Variants in AGO3 observed in about 807,000 individuals in gnomAD.
AGO3 encodes argonaute RISC catalytic component 3.
Under a neutral mutation model 105.5 loss-of-function variants are expected in AGO3, and 16 were observed. The ratio of observed to expected loss-of-function variants is 0.15; its 90% CI spans 0.10 to 0.23. The LOEUF (loss-of-function observed/expected upper bound fraction) is 0.23, where lower values mean the gene tolerates loss of function less well. Ranked by LOEUF, AGO3 falls within the 10% of genes least tolerant of loss-of-function variation. AGO3 has a pLI of 1.00. For synonymous variants in AGO3, 340 were observed against 367.3 expected, an observed-to-expected ratio of 0.93 and a Z score of 0.85; for missense variants, 534 against 1,088.0, an observed-to-expected ratio of 0.49 and a Z score of 7.16.
chr1:35,943,460 C>T (rs909969090), intron 1 of AGO3, among the ~76,000 whole-genome samples: 1 of 151,252 alleles, frequency 6.6e-6, no homozygotes, highest in African/African-American at 2.4e-5. Flanking sequence ...TGCCATCATG[C>T]CTGGCTAATT....
Position 36,048,174 on chromosome 1 carries a change from A to G in AGO3, c.2274+4626A>G, listed in dbSNP as rs371309023. ...GGCTGAAAAAAAAAATTGTCAGCCA[A>G]GAATGCTGTACCCAGTAGAGGATCA... On this transcript the variant is annotated intron_variant, in intron 17 of 18. Coordinates refer to ENST00000373191, the MANE Select transcript of AGO3 (RefSeq NM_024852.4). 1.1e-4 allele frequency among the ~76,000 whole-genome samples: 17 copies of G among 152,278 alleles called. No homozygotes were observed. The East Asian group carries it at 1.5e-3, about 14-fold the overall frequency.
Position 36,065,734 on chromosome 1 carries a change from C to G in AGO3, c.*9989C>G, listed in dbSNP as rs1643083658. 6.6e-6 allele frequency: 1 copy of G among 152,246 alleles called. No individual in the cohort carries two copies. The highest frequency in any genetic ancestry group is 2.1e-4 in the South Asian group (1 of 4,832). The allele number at this position is 152,246 out of a possible 1,614,324, so 9.4% of individuals were successfully genotyped here. A position where few individuals can be genotyped will look rare whatever the true frequency, so the allele number is the denominator to read the frequency against. Reference sequence around the variant, plus strand: ...TAACTGGTTGGCTCCACAAATCCTGCTACCTGACATCAGTACAGCTTGACC... The same window carrying G: ...TAACTGGTTGGCTCCACAAATCCTGGTACCTGACATCAGTACAGCTTGACC... On this transcript the variant is annotated 3_prime_UTR_variant, in exon 19 of 19. Transcript: ENST00000373191.
Position 35,982,394 on chromosome 1 carries a change from G to T in AGO3, c.658+8883G>T, listed in dbSNP as rs1233815625. On this transcript the variant is annotated intron_variant, in intron 5 of 18. Coordinates refer to ENST00000373191, the MANE Select transcript of AGO3 (RefSeq NM_024852.4). The stretch of plus-strand genomic sequence containing the variant: ...GATCAGCTAAAGCAATGCTTAGAGA[G>T]AATTTAAAACTTGAAATGCCGATTT... Among the ~76,000 whole-genome samples the T allele has an allele frequency of 2.6e-5, 4 of 152,226 alleles. No homozygotes were observed. The East Asian group carries it at 7.7e-4, about 29-fold the overall frequency.
intron 1 of AGO3, among the ~76,000 whole-genome samples, chr1:35,933,607 C>CT (rs1209410169): frequency 7.8e-6 from 1 of 127,608 alleles, no homozygotes; most frequent in African/African-American, 3.1e-5. Flanking sequence ...GCGCCACTAA[C>CT]TCCAGCCTGG....
chr1:35,955,210 G>A (rs1646542303), intron 2 of AGO3, among the ~76,000 whole-genome samples: 1 of 152,216 alleles, frequency 6.6e-6, no homozygotes, highest in Non-Finnish European at 1.5e-5. Context: ...TGATGACAGT[G>A]TGGTGAATGA....
intron 5 of AGO3, among the ~76,000 whole-genome samples, chr1:35,976,967 C>T (rs1490381036): frequency 6.6e-6 from 1 of 151,936 alleles, no homozygotes; most frequent in East Asian, 1.9e-4. Context: ...TAGAATTCCC[C>T]TATAAAACCT....
chr1:36,046,416 G>A (rs561191239), intron 17 of AGO3, among the ~76,000 whole-genome samples: 2 of 152,146 alleles, frequency 1.3e-5, no homozygotes, highest in African/African-American at 4.8e-5. Flanking sequence ...CCTCGGCCAG[G>A]TGCGGTGGCT....
intron 5 of AGO3, among the ~76,000 whole-genome samples, chr1:35,979,191 C>A (rs2148781565): frequency 6.6e-6 from 1 of 152,136 alleles, no homozygotes; most frequent in African/African-American, 2.4e-5. Context: ...GGTGAAACCC[C>A]ATCTCTACTA....
rs1417480123 is a variant in AGO3, at chr1:36,070,443, T to C, written c.*14698T>C. 6.6e-6 allele frequency: 1 copy of C among 152,236 alleles called. No homozygotes were observed. Among genetic ancestry groups the C allele is most frequent in the Non-Finnish European group, 1.5e-5 (1 of 68,052 alleles). 9.4% of individuals were successfully genotyped at this position (152,236 alleles called of 1,614,324 possible). A position where few individuals can be genotyped will look rare whatever the true frequency, so the allele number is the denominator to read the frequency against. On this transcript the variant is annotated 3_prime_UTR_variant, in exon 19 of 19. Transcript: ENST00000373191. ...GCAGGTCCTTACATTTCAACAGGCT[T>C]ATGCATTTCCATGGGGGGAAGAGAT...
Position 36,055,139 on chromosome 1 carries a change from A to C in AGO3, c.2468A>C (p.His823Pro). ...RARYHLVDKE[H>P]DSAEGSHVSG... ...AGATATCATCTTGTGGACAAAGAAC[A>C]TGACAGGTAATATAAAAGCATAACA... Residue 823 changes from histidine to proline, a missense_variant, in exon 18 of 19, where the codon CAT becomes CCT. This residue lies in a region of AGO3 where 373 missense variants were observed against 854.0 expected (regional missense o/e 0.44). Transcript: ENST00000373191. The surrounding 1 kb of genome is among the most constrained non-coding windows in gnomAD (Gnocchi z 4.4). 6.3e-7 allele frequency: 1 copy of C among 1,596,220 alleles called. No individual in the cohort carries two copies. Among genetic ancestry groups the C allele is most frequent in the Non-Finnish European group, 8.5e-7 (1 of 1,170,038 alleles).
chr1:35,945,874 T>C lies in AGO3; in HGVS notation c.191+11T>C, dbSNP rs1205278132. 6.2e-7 allele frequency: 1 copy of C among 1,601,942 alleles called. No homozygotes were observed. Among genetic ancestry groups the C allele is most frequent in the Non-Finnish European group, 8.5e-7 (1 of 1,173,170 alleles). ...TAGGAGAGTGAACAGGTAAGAATCA[T>C]GAAACTGCAAAGATCTTTTGCTATT... On this transcript the variant is annotated intron_variant, in intron 2 of 18. Transcript: ENST00000373191.
At chr1:36,020,838 A>C (rs1037150535) in intron 11 of AGO3, among the ~76,000 whole-genome samples, 2 of 151,850 alleles carry the variant, frequency 1.3e-5, no homozygotes, top group Non-Finnish European at 2.9e-5. Context: ...ACTAGTCTCG[A>C]ACTCCTGACC....
At chr1:36,021,504 A>C (rs1641221993) in intron 11 of AGO3, among the ~76,000 whole-genome samples, 1 of 152,164 alleles carries the variant, frequency 6.6e-6, no homozygotes, top group Non-Finnish European at 1.5e-5. Flanking sequence ...AACTCGATGG[A>C]GTTTAAACAT....
intron 16 of AGO3, among the ~76,000 whole-genome samples, chr1:36,042,772 A>G (rs1415919345): frequency 6.6e-6 from 1 of 152,234 alleles, no homozygotes; most frequent in East Asian, 1.9e-4. Context: ...AGAGAAAATC[A>G]TGGTGTCCTC....
Position 36,037,595 on chromosome 1 carries a change from G to C in AGO3, c.1842+1328G>C, listed in dbSNP as rs369014824. On this transcript the variant is annotated intron_variant, in intron 14 of 18. Coordinates refer to ENST00000373191, the MANE Select transcript of AGO3 (RefSeq NM_024852.4). ...CACATAAATCTTGTTTTATGAATCT[G>C]ATAAATCTAATTCATCCCTGAAAAT... Among the ~76,000 whole-genome samples the C allele has an allele frequency of 1.1e-4, 17 of 152,098 alleles. No individual in the cohort carries two copies. In the East Asian group the frequency reaches 1.5e-3, roughly 14 times the overall value.
rs757898372 is a variant in AGO3 at position 35,945,881 on chromosome 1, G to A, written c.191+18G>A. On this transcript the variant is annotated intron_variant, in intron 2 of 18. Coordinates refer to ENST00000373191, the MANE Select transcript of AGO3 (RefSeq NM_024852.4). ...GTGAACAGGTAAGAATCATGAAACT[G>A]CAAAGATCTTTTGCTATTTTTTTCC... The A allele has an allele frequency of 1.3e-6, 2 of 1,594,732 alleles. No individual in the cohort carries two copies. The highest frequency in any genetic ancestry group is 1.7e-5 in the Admixed American group (1 of 57,746).
intron 2 of AGO3, among the ~76,000 whole-genome samples, chr1:35,953,579 G>A (rs1021914134): frequency 1.3e-5 from 2 of 150,136 alleles, no homozygotes; most frequent in African/African-American, 2.5e-5. Context: ...AGGCTGGAGT[G>A]CAGTGGCACG....
Position 35,964,975 on chromosome 1 carries a change from T to A in AGO3, c.192-1980T>A, listed in dbSNP as rs1646746570. 2.6e-5 allele frequency among the ~76,000 whole-genome samples: 4 copies of A among 152,248 alleles called. No individual in the cohort carries two copies. The South Asian group carries it at 8.3e-4, about 32-fold the overall frequency. ...TTGCCCACTTGTTAATGGGTTTTTT[T>A]TTTCTTGTAACTCTGTTTAAGTTAA... On this transcript the variant is annotated intron_variant, in intron 2 of 18. Coordinates refer to ENST00000373191, the MANE Select transcript of AGO3 (RefSeq NM_024852.4).
intron 3 of AGO3, among the ~76,000 whole-genome samples, chr1:35,968,895 T>A (rs572999088): frequency 6.6e-6 from 1 of 151,302 alleles, no homozygotes; most frequent in Admixed American, 6.6e-5. Context: ...ACACTTGTTT[T>A]CTGTTTTGTT....
Sources: gnomAD v4.1 joint callset for allele counts (sites outside exome capture counted in the v4.1 genomes callset) on GRCh38, gnomAD v4.1.1 for gene constraint, gnomAD v4.1.1 regional missense constraint, Gnocchi (gnomAD v3.1) non-coding constraint, MANE v1.5 for transcripts, NCBI Gene and HGNC (gene_info 2026-07-23, HGNC 2026-07-21) for gene names.